The following ARHGAP22 variants were observed in gnomAD, a reference collection of about 807,000 sequenced individuals.
ARHGAP22 encodes the protein Rho GTPase activating protein 22, also known as rho GTPase-activating protein 22.
Under a neutral mutation model 59.1 loss-of-function variants are expected in ARHGAP22, and 48 were observed. The ratio of observed to expected loss-of-function variants is 0.81; its 90% CI spans 0.64 to 1.03. ARHGAP22 has a LOEUF of 1.03. ARHGAP22 is among the 50% of genes least tolerant of loss of function. The pLI is 0.00. For missense variants in ARHGAP22, 1,015 were observed against 958.7 expected (o/e 1.06, Z -0.78); for synonymous variants, 445 against 416.4 (o/e 1.07, Z -0.84).
chr10:48,573,174 A>T (rs1025803803), intron 2 of ARHGAP22, among the ~76,000 whole-genome samples: 2 of 152,152 alleles, frequency 1.3e-5, no homozygotes, highest in Admixed American at 1.3e-4. Context: ...CCACTGTTTG[A>T]TTGTGTTGAA....
intron 3 of ARHGAP22, among the ~76,000 whole-genome samples, chr10:48,510,271 C>T (rs1367969254): frequency 6.6e-6 from 1 of 152,160 alleles, no homozygotes; most frequent in Non-Finnish European, 1.5e-5. Flanking sequence ...ACACAGCAGG[C>T]ATAGAAGGAA....
rs1033793742 is a variant in ARHGAP22 at position 48,601,835 on chromosome 10, G to A, written c.34+2928C>T. On this transcript the variant is annotated intron_variant, in intron 1 of 9. Coordinates refer to ENST00000249601, the MANE Select transcript of ARHGAP22 (RefSeq NM_021226.4). ...TCCAACCTCAAACATTCTATGAGTT[G>A]TCTAGATCTAATCTCCATGTGTTTA... 2.6e-5 allele frequency among the ~76,000 whole-genome samples: 4 copies of A among 152,160 alleles called. No homozygotes were observed. The East Asian group carries it at 5.8e-4, about 22-fold the overall frequency.
At chr10:48,600,244 C>T (rs536582836) in intron 1 of ARHGAP22, among the ~76,000 whole-genome samples, 5 of 152,184 alleles carry the variant, frequency 3.3e-5, no homozygotes, top group African/African-American at 1.2e-4. Context: ...CTGTTTGTGG[C>T]CTTTAATGTA....
intron 1 of ARHGAP22, chr10:48,624,535 G>A (rs1402633128): frequency 1.3e-5 from 2 of 152,216 alleles, no homozygotes; most frequent in African/African-American, 2.4e-5. Context: ...CCATCCCAAT[G>A]TTTTGGGCCC....
At chr10:48,557,985 C>A (rs182627631) in intron 2 of ARHGAP22, among the ~76,000 whole-genome samples, 1 of 152,186 alleles carries the variant, frequency 6.6e-6, no homozygotes, top group Non-Finnish European at 1.5e-5. Context: ...TTGAACGTGC[C>A]TTGGAGTCAC....
At chr10:48,430,214 C>T in the ARHGAP22 span, 5 of 152,302 alleles carry the variant, frequency 3.3e-5, no homozygotes, top group African/African-American at 9.6e-5. Flanking sequence ...CTGTCTCAGC[C>T]TCCCGAGTAG....
chr10:48,533,180 TG>T lies in ARHGAP22; in HGVS notation c.322+22282del, dbSNP rs756758828. Among the ~76,000 whole-genome samples the T allele has an allele frequency of 3.3e-3, 480 of 146,238 alleles. 16 individuals are homozygous for T. Among genetic ancestry groups the T allele is most frequent in the Admixed American group, 5.6e-3 (82 of 14,760 alleles). On this transcript the variant is annotated intron_variant, in intron 3 of 9. Transcript: ENST00000249601. ...TCATTTTGCAGACTCATTGTTCTGT[TG>T]TTTTTTTTTTTTTTTTTAACTAAGT... is the stretch of plus-strand genomic sequence containing the variant.
At chr10:48,566,589 G>A (rs780671758) in intron 2 of ARHGAP22, among the ~76,000 whole-genome samples, 2 of 152,184 alleles carry the variant, frequency 1.3e-5, no homozygotes, top group African/African-American at 2.4e-5. Context: ...AACAGATTCC[G>A]CAGTAACGCT....
Position 48,453,413 on chromosome 10 carries a change from T to A in ARHGAP22, c.879A>T (p.Glu293Asp). Residue 293 changes from glutamate (E) to aspartate (D), a missense_variant, in exon 8 of 10, where the codon GAA (glutamate) becomes GAT (aspartate). By Grantham distance (45) the Glu-to-Asp change is conservative (BLOSUM62 2). Coordinates refer to ENST00000249601, the MANE Select transcript of ARHGAP22 (RefSeq NM_021226.4). ...TGTTGACATTTGAGTATGCCTGAACTTCATCCAGAAACCTGCAAAGTAAGG... is the reference window on the plus strand; with the variant it reads ...TGTTGACATTTGAGTATGCCTGAACATCATCCAGAAACCTGCAAAGTAAGG... ...LLRYICKFLD[E>D]VQAYSNVNKM... The A allele has an allele frequency of 6.2e-7, 1 of 1,613,860 alleles. No individual in the cohort carries two copies. The highest frequency in any genetic ancestry group is 8.5e-7 in the Non-Finnish European group (1 of 1,179,880).
downstream of ARHGAP22, among the ~76,000 whole-genome samples, chr10:48,441,467 T>C (rs2045200625): frequency 1.3e-5 from 2 of 151,486 alleles, no homozygotes; most frequent in African/African-American, 4.9e-5. Context: ...TTTTTTTTTT[T>C]TTGAGACAGA....
rs180733188 is a variant in ARHGAP22 at position 48,475,948 on chromosome 10, G to A, written c.451+3688C>T. ...CCTCCTTGCTGTTCTTCCGGGATGG[G>A]CCCCCTACCTCTGCCTGTGCTGTTA... is the stretch of plus-strand genomic sequence containing the variant. On this transcript the variant is annotated intron_variant, in intron 4 of 9. Coordinates refer to ENST00000249601, the MANE Select transcript of ARHGAP22 (RefSeq NM_021226.4). 1.1e-4 allele frequency among the ~76,000 whole-genome samples: 17 copies of A among 152,260 alleles called. No homozygotes were observed. In the East Asian group the frequency reaches 2.3e-3, roughly 21 times the overall value.
upstream of ARHGAP22, among the ~76,000 whole-genome samples, chr10:48,607,505 C>T (rs1275317887): frequency 1.3e-5 from 2 of 152,162 alleles, no homozygotes; most frequent in East Asian, 1.9e-4. Context: ...TGAAGTTTAC[C>T]AGCCCTGATC....
chr10:48,507,061 C>T (rs188111987), intron 3 of ARHGAP22, among the ~76,000 whole-genome samples: 53 of 152,274 alleles, frequency 3.5e-4, no homozygotes, highest in Non-Finnish European at 5.9e-4. Flanking sequence ...TTGGAAAACA[C>T]GCTAAAAAAT....
intron 1 of ARHGAP22, among the ~76,000 whole-genome samples, chr10:48,615,517 T>C (rs564474371): frequency 1.3e-5 from 2 of 152,306 alleles, no homozygotes; most frequent in South Asian, 4.1e-4. Flanking sequence ...TATTATACAA[T>C]TCAAAGTGTC....
intron 3 of ARHGAP22, among the ~76,000 whole-genome samples, chr10:48,526,460 GTAAC>G (rs2054335271): frequency 6.6e-6 from 1 of 152,172 alleles, no homozygotes; most frequent in Non-Finnish European, 1.5e-5. Context: ...CAAAGAGAGA[GTAAC>G]TGAGAAAAAA....
intron 1 of ARHGAP22, among the ~76,000 whole-genome samples, chr10:48,641,024 C>G (rs1031307388): frequency 1.3e-5 from 2 of 151,954 alleles, no homozygotes; most frequent in Non-Finnish European, 2.9e-5. Context: ...GTGCATTTTA[C>G]TGGAATTATT....
intron 3 of ARHGAP22, among the ~76,000 whole-genome samples, chr10:48,482,742 T>C (rs2049452548): frequency 6.6e-6 from 1 of 152,242 alleles, no homozygotes; most frequent in Admixed American, 6.5e-5. Context: ...ACTCTAGGAA[T>C]TTGGGGTGTC....
the ARHGAP22 span, chr10:48,431,166 G>C: frequency 3.1e-5 from 47 of 1,497,650 alleles, no homozygotes; most frequent in African/African-American, 4.7e-4. Context: ...ACTTTGAAAA[G>C]TTCATTTTTG....
chr10:48,526,816 C>G (rs192005408), intron 3 of ARHGAP22, among the ~76,000 whole-genome samples: 1 of 152,196 alleles, frequency 6.6e-6, no homozygotes, highest in Non-Finnish European at 1.5e-5. Flanking sequence ...TTGGGATACT[C>G]GACTTTTCAA....
Sources: gnomAD v4.1 joint callset for allele counts (sites outside exome capture counted in the v4.1 genomes callset) on GRCh38, gnomAD v4.1.1 for gene constraint, MANE v1.5 for transcripts, NCBI Gene and HGNC (gene_info 2026-07-23, HGNC 2026-07-21) for gene names.